DAB2IP: variants seen among roughly 807,000 people sequenced by gnomAD.
The protein encoded by DAB2IP is disabled homolog 2-interacting protein.
A neutral mutation model predicts 107.2 loss-of-function variants in DAB2IP; 28 were observed. That is an observed-to-expected ratio of 0.26 (90% CI 0.19 to 0.36). The LOEUF is 0.36. Among genes scored for constraint, DAB2IP ranks in the 10% least tolerant of loss-of-function variants. DAB2IP has a pLI of 1.00. For missense variants in DAB2IP, 1,400 were observed against 1,644.7 expected (o/e 0.85, Z 2.57); for synonymous variants, 755 against 706.4 (o/e 1.07, Z -1.09).
chr9:121,595,618 A>AAAG (rs1204137608), intron 1 of DAB2IP, among the ~76,000 whole-genome samples: 4 of 148,266 alleles, frequency 2.7e-5, no homozygotes, highest in East Asian at 2.0e-4. Context: ...AAAAAAAAGA[A>AAAG]AAGAAGAAGA....
chr9:121,715,806 A>G lies in DAB2IP; in HGVS notation c.362+16348A>G, dbSNP rs1414232327. Among the ~76,000 whole-genome samples the G allele has an allele frequency of 3.3e-5, 5 of 152,316 alleles. No individual in the cohort carries two copies. In the East Asian group the frequency reaches 9.6e-4, roughly 29 times the overall value. ...GCTGGACTGTCATCAGGTAGGGCCT[A>G]TCAGTTGTCTGCAGAGGTGGGTGGA... On this transcript the variant is annotated intron_variant, in intron 3 of 15. Coordinates refer to ENST00000408936, the Ensembl canonical transcript of DAB2IP.
chr9:121,598,805 C>T (rs1830591431), intron 1 of DAB2IP, among the ~76,000 whole-genome samples: 1 of 152,268 alleles, frequency 6.6e-6, no homozygotes, highest in African/African-American at 2.4e-5. Context: ...AGCTGGAAAA[C>T]GTCGCTGTCC....
intron 1 of DAB2IP, among the ~76,000 whole-genome samples, chr9:121,579,196 GA>G (rs1830135382): frequency 6.6e-6 from 1 of 152,158 alleles, no homozygotes; most frequent in Non-Finnish European, 1.5e-5. Context: ...ACAGGTTATT[GA>G]GAGGAGTAAC....
intron 14 of DAB2IP, among the ~76,000 whole-genome samples, chr9:121,778,813 T>G (rs1161930510): frequency 6.6e-6 from 1 of 151,980 alleles, no homozygotes; most frequent in African/African-American, 2.4e-5. Context: ...TGACAGGGAG[T>G]CTGTCATTGT....
At chr9:121,655,655 G>A (rs961928304) in intron 1 of DAB2IP, among the ~76,000 whole-genome samples, 3 of 152,160 alleles carry the variant, frequency 2.0e-5, no homozygotes, top group Non-Finnish European at 4.4e-5. Context: ...GCACATCATA[G>A]GGCCTCAGTT....
chr9:121,610,404 G>A (rs1275645057), intron 1 of DAB2IP, among the ~76,000 whole-genome samples: 1 of 152,204 alleles, frequency 6.6e-6, no homozygotes, highest in Non-Finnish European at 1.5e-5. Flanking sequence ...CAATAGACCT[G>A]TGAGATCCTG....
chr9:121,648,092 G>T (rs773293290), upstream of DAB2IP, among the ~76,000 whole-genome samples: 62 of 152,008 alleles, frequency 4.1e-4, no homozygotes, highest in Non-Finnish European at 7.6e-4. Flanking sequence ...GGACTTTGGG[G>T]ACTCAGGGAA....
intron 1 of DAB2IP, among the ~76,000 whole-genome samples, chr9:121,623,860 G>A (rs962764635): frequency 6.6e-6 from 1 of 152,138 alleles, no homozygotes; most frequent in African/African-American, 2.4e-5. Context: ...GCTAATTTTT[G>A]TATTTTTAGT....
At position 121,676,783 on chromosome 9, in the gene DAB2IP, C is replaced by T. The variant is rs562571886; in HGVS notation, c.125-1895C>T. Among the ~76,000 whole-genome samples, 55 of 152,306 alleles carry T rather than the reference C, an allele frequency of 3.6e-4. No individual in the cohort carries two copies. In the South Asian group the frequency reaches 0.01, roughly 28 times the overall value. ...GGTCACCCAGGACCTCCTCCAGGGC[C>T]TGCAGGATGGACCAGGCTGGGGAAG... On this transcript the variant is annotated intron_variant, in intron 1 of 15. Coordinates refer to ENST00000408936, the Ensembl canonical transcript of DAB2IP.
intron 1 of DAB2IP, among the ~76,000 whole-genome samples, chr9:121,616,179 G>C (rs1254827390): frequency 6.6e-6 from 1 of 152,194 alleles, no homozygotes; most frequent in African/African-American, 2.4e-5. Flanking sequence ...CTATGTGGTT[G>C]CCTCCTGCAG....
chr9:121,682,997 T>C (rs1339458810), intron 2 of DAB2IP, among the ~76,000 whole-genome samples: 1 of 152,042 alleles, frequency 6.6e-6, no homozygotes, highest in Non-Finnish European at 1.5e-5. Flanking sequence ...CCAGAGAGGC[T>C]TCCTGTGCAT....
intron 3 of DAB2IP, among the ~76,000 whole-genome samples, chr9:121,749,117 C>T (rs921968482): frequency 1.3e-4 from 20 of 152,328 alleles, no homozygotes; most frequent in Admixed American, 5.9e-4. Flanking sequence ...AGCCACCAGG[C>T]GGCTGCATTC....
intron 1 of DAB2IP, among the ~76,000 whole-genome samples, chr9:121,619,706 A>C (rs1831397278): frequency 6.6e-6 from 1 of 152,246 alleles, no homozygotes; most frequent in South Asian, 2.1e-4. Flanking sequence ...TTGTGATCCC[A>C]GTAATGATTT....
intron 3 of DAB2IP, among the ~76,000 whole-genome samples, chr9:121,718,095 C>T (rs1354269921): frequency 6.6e-6 from 1 of 152,152 alleles, no homozygotes; most frequent in Non-Finnish European, 1.5e-5. Context: ...GCTGGTGGCC[C>T]AGGAGAGAGC....
chr9:121,655,516 C>T (rs902548398), intron 1 of DAB2IP, among the ~76,000 whole-genome samples: 1 of 152,206 alleles, frequency 6.6e-6, no homozygotes, highest in African/African-American at 2.4e-5. Flanking sequence ...GCCAAGCCCC[C>T]AGTCTGTTGG....
intron 1 of DAB2IP, among the ~76,000 whole-genome samples, chr9:121,656,139 G>T (rs901960710): frequency 2.0e-5 from 3 of 152,040 alleles, no homozygotes; most frequent in Non-Finnish European, 2.9e-5. Flanking sequence ...CTCCCGAGTA[G>T]CTGGGATTAC....
At chr9:121,627,031 A>G (rs1831672788) in intron 1 of DAB2IP, among the ~76,000 whole-genome samples, 1 of 151,962 alleles carries the variant, frequency 6.6e-6, no homozygotes, top group South Asian at 2.1e-4. Context: ...TTCTTAGTCT[A>G]TAAAAATGGC....
chr9:121,627,226 G>C (rs1017152621), intron 1 of DAB2IP, among the ~76,000 whole-genome samples: 1 of 151,540 alleles, frequency 6.6e-6, no homozygotes, highest in Non-Finnish European at 1.5e-5. Context: ...TGAAGTATCC[G>C]ATGCATCTTC....
chr9:121,714,246 C>T (rs905189750), intron 3 of DAB2IP, among the ~76,000 whole-genome samples: 1 of 152,192 alleles, frequency 6.6e-6, no homozygotes, highest in Non-Finnish European at 1.5e-5. Flanking sequence ...TGACATTTCT[C>T]CCACTTAGAA....
Sources: allele counts gnomAD v4.1 joint callset (sites outside exome capture counted in the v4.1 genomes callset), GRCh38; gene constraint gnomAD v4.1.1; transcripts MANE v1.5; gene names NCBI Gene and HGNC (gene_info 2026-07-23, HGNC 2026-07-21).